Variants in KLHL32 observed in about 807,000 individuals in gnomAD.
The protein encoded by KLHL32 is kelch like family member 32.
KLHL32 carries 35 observed loss-of-function variants against 64.8 expected under a neutral mutation model. The observed-to-expected ratio is 0.54, with a 90% confidence interval of 0.41 to 0.72. KLHL32 has a LOEUF of 0.72. Among genes scored for constraint, KLHL32 ranks in the 30% least tolerant of loss-of-function variants. KLHL32 has a pLI of 0.00. For synonymous variants in KLHL32, 259 were observed against 281.0 expected (o/e 0.92, Z 0.78); for missense variants, 589 against 768.5 (o/e 0.77, Z 2.76).
intron 4 of KLHL32, among the ~76,000 whole-genome samples, chr6:97,055,796 T>TAAAAA (rs750242567): frequency 0.083 from 6,714 of 80,678 alleles, 1,123 homozygotes; most frequent in Middle Eastern, 0.15. Flanking sequence ...AGAACCTGTC[T>TAAAAA]AAAAAAAAAA....
chr6:97,056,654 C>G (rs891443657), intron 4 of KLHL32, among the ~76,000 whole-genome samples: 1 of 152,144 alleles, frequency 6.6e-6, no homozygotes, highest in African/African-American at 2.4e-5. Context: ...GCTATTGACT[C>G]CCAGCCCCTA....
intron 4 of KLHL32, 76 bp from the exon 5 acceptor site, chr6:97,064,552 G>T: frequency 2.1e-6 from 2 of 956,470 alleles, no homozygotes; most frequent in Non-Finnish European, 3.3e-6. Context: ...AATATACTAT[G>T]GTATATCTAC....
intron 6 of KLHL32, among the ~76,000 whole-genome samples, chr6:97,112,132 G>A (rs1797229796): frequency 6.6e-6 from 1 of 152,044 alleles, no homozygotes; most frequent in African/African-American, 2.4e-5. Context: ...CAGGCTTGAG[G>A]GTGGGGCCCT....
intron 4 of KLHL32, among the ~76,000 whole-genome samples, chr6:97,045,888 A>C (rs532200523): frequency 1.6e-4 from 25 of 152,374 alleles, no homozygotes; most frequent in African/African-American, 5.8e-4. Flanking sequence ...CCCATTGCCC[A>C]GGAGTCATAT....
intron 1 of KLHL32, among the ~76,000 whole-genome samples, chr6:96,948,113 T>C (rs1280861538): frequency 6.6e-6 from 1 of 152,204 alleles, no homozygotes; most frequent in Non-Finnish European, 1.5e-5. Flanking sequence ...TAGAAGTTAC[T>C]GGGCAATTGT....
chr6:96,970,916 C>A (rs1440644143), intron 2 of KLHL32, among the ~76,000 whole-genome samples: 1 of 151,976 alleles, frequency 6.6e-6, no homozygotes, highest in Non-Finnish European at 1.5e-5. Context: ...ATATTAATGT[C>A]TTTAATTTTC....
At chr6:97,029,955 C>G (rs769086070) in intron 3 of KLHL32, among the ~76,000 whole-genome samples, 20 of 152,162 alleles carry the variant, frequency 1.3e-4, no homozygotes, top group Non-Finnish European at 2.4e-4. Context: ...AATGGATCTA[C>G]TGTAATCATT....
intron 2 of KLHL32, among the ~76,000 whole-genome samples, chr6:96,972,221 A>C (rs976653234): frequency 1.3e-5 from 2 of 152,206 alleles, no homozygotes; most frequent in Non-Finnish European, 2.9e-5. Flanking sequence ...ATTATAATTT[A>C]AACATGTAAT....
intron 3 of KLHL32, among the ~76,000 whole-genome samples, chr6:97,031,958 C>G (rs370032788): frequency 1.3e-5 from 2 of 149,894 alleles, no homozygotes; most frequent in East Asian, 3.9e-4. Flanking sequence ...ATAACATTTA[C>G]TATGTGCCAC....
chr6:97,041,866 C>T (rs778225938), intron 4 of KLHL32, among the ~76,000 whole-genome samples: 20 of 152,078 alleles, frequency 1.3e-4, no homozygotes, highest in African/African-American at 4.6e-4. Context: ...AAAGAACTAT[C>T]GTAAGGGAAA....
intron 5 of KLHL32, among the ~76,000 whole-genome samples, chr6:97,075,493 A>G (rs1429692405): frequency 6.6e-6 from 1 of 152,118 alleles, no homozygotes; most frequent in African/African-American, 2.4e-5. Context: ...TATCCTATCA[A>G]CTCTATGACA....
At chr6:97,079,212 C>T (rs1216257603) in intron 5 of KLHL32, among the ~76,000 whole-genome samples, 4 of 152,142 alleles carry the variant, frequency 2.6e-5, no homozygotes, top group Non-Finnish European at 5.9e-5. Flanking sequence ...ATTAGTAGTT[C>T]CTGCATAATT....
intron 3 of KLHL32, among the ~76,000 whole-genome samples, chr6:96,996,897 A>C (rs1253845673): frequency 6.6e-6 from 1 of 152,176 alleles, no homozygotes. Context: ...CATTAGGGGC[A>C]TGAAAAGTGG....
chr6:97,113,733 T>A, intron 6 of KLHL32, 50 bp from the exon 7 acceptor site: 1 of 1,580,838 alleles, frequency 6.3e-7, no homozygotes, highest in Non-Finnish European at 8.6e-7. Flanking sequence ...TTGCTTTCTC[T>A]TTCTTTCTTA....
intron 3 of KLHL32, among the ~76,000 whole-genome samples, chr6:97,039,861 A>G (rs1035228490): frequency 1.4e-4 from 21 of 152,024 alleles, no homozygotes; most frequent in Non-Finnish European, 1.5e-5. Flanking sequence ...AAGAAAGAAA[A>G]GAAAATCGCT....
chr6:96,963,651 G>A (rs919878128), intron 1 of KLHL32, among the ~76,000 whole-genome samples: 3 of 151,918 alleles, frequency 2.0e-5, no homozygotes, highest in African/African-American at 7.3e-5. Context: ...CCTCCTTCCC[G>A]GGTTCATTAA....
intron 4 of KLHL32, among the ~76,000 whole-genome samples, chr6:97,044,899 G>A (rs56274021): frequency 0.025 from 3,742 of 149,150 alleles, 51 homozygotes; most frequent in East Asian, 0.073. Context: ...GAATCTTCTC[G>A]TTTTTTTTCT....
chr6:97,013,033 A>G (rs1019334510), intron 3 of KLHL32, among the ~76,000 whole-genome samples: 2 of 152,182 alleles, frequency 1.3e-5, no homozygotes, highest in Non-Finnish European at 2.9e-5. Context: ...TGAGTTTTGT[A>G]ATCTTAAATG....
At chr6:97,040,882 GA>G (rs1785016655) in intron 3 of KLHL32, among the ~76,000 whole-genome samples, 1 of 152,256 alleles carries the variant, frequency 6.6e-6, no homozygotes, top group East Asian at 1.9e-4. Context: ...GCTGCCTTGT[GA>G]AAAAGGTGCC....
Sources: gnomAD v4.1 joint callset for allele counts (sites outside exome capture counted in the v4.1 genomes callset) on GRCh38, gnomAD v4.1.1 for gene constraint, MANE v1.5 for transcripts, NCBI Gene and HGNC (gene_info 2026-07-23, HGNC 2026-07-21) for gene names.